The following ATP1A1 variants were observed in gnomAD, a reference collection of about 807,000 sequenced individuals.
ATP1A1 encodes sodium/potassium-transporting ATPase subunit alpha-1.
ATP1A1 carries 14 observed loss-of-function variants against 114.8 expected under a neutral mutation model. The ratio of observed to expected loss-of-function variants is 0.12; its 90% CI spans 0.08 to 0.19. ATP1A1 has a LOEUF of 0.19. Among genes scored for constraint, ATP1A1 ranks in the 10% least tolerant of loss-of-function variants. The probability of loss-of-function intolerance (pLI) is 1.00; values close to 1 mark genes in which losing one functional copy is unlikely to be tolerated. For synonymous variants in ATP1A1, 471 were observed against 466.3 expected (o/e 1.01, Z -0.13); for missense variants, 524 against 1,290.7 (o/e 0.41, Z 9.10).
At chr1:116,396,811 A>G in intron 14 of ATP1A1, 77 bp downstream of exon 14, 1 of 1,464,800 alleles carries the variant, frequency 6.8e-7, no homozygotes, top group South Asian at 1.4e-5. Flanking sequence ...GCGTGGTTCT[A>G]TAATGGTTTG....
chr1:116,403,853 C>A, intron 21 of ATP1A1, 31 bp from the exon 22 acceptor site: 1 of 1,538,450 alleles, frequency 6.5e-7, no homozygotes, highest in Non-Finnish European at 9.0e-7. Flanking sequence ...TGTTCGTGTG[C>A]ATATAAATTG....
Position 116,373,385 on chromosome 1 carries a change from C to G in ATP1A1, c.-127C>G, listed in dbSNP as rs950625112. 2.7e-6 allele frequency: 2 copies of G among 744,782 alleles called. No homozygotes were observed. Among genetic ancestry groups the G allele is most frequent in the East Asian group, 4.3e-5 (1 of 23,338 alleles). 46.1% of individuals were successfully genotyped at this position (744,782 alleles called of 1,614,324 possible). A position where few individuals can be genotyped will look rare whatever the true frequency, so the allele number is the denominator to read the frequency against. ...CCGGCCGCCCTCCCACCCTCCCGCCCCGCGGCAGCCCTAGCTCCCTCCACT... is the reference window on the plus strand; with the variant it reads ...CCGGCCGCCCTCCCACCCTCCCGCCGCGCGGCAGCCCTAGCTCCCTCCACT... On this transcript the variant is annotated 5_prime_UTR_variant, in exon 1 of 23. Coordinates refer to ENST00000295598, the MANE Select transcript of ATP1A1 (RefSeq NM_000701.8).
At chr1:116,383,255 G>A (rs893378425) in intron 1 of ATP1A1, 2 of 554,684 alleles carry the variant, frequency 3.6e-6, no homozygotes, top group South Asian at 5.6e-5. Flanking sequence ...TGGGCTGGGC[G>A]CTCCCTTTTT....
Position 116,401,981 on chromosome 1 carries a change from C to T in ATP1A1, c.2951+326C>T, listed in dbSNP as rs531092196. 88 of 274,300 alleles carry T rather than the reference C, an allele frequency of 3.2e-4. No individual in the cohort carries two copies. The highest frequency in any genetic ancestry group is 1.2e-3 in the South Asian group (14 of 11,650). The allele number at this position is 274,300 out of a possible 1,614,324, so 17.0% of individuals were successfully genotyped here. ...TAGTCCAGTTGTCTTTAGAGGCCAA[C>T]TGGGGGTATGCTGGAGCGTAGGCGC... On this transcript the variant is annotated intron_variant, in intron 21 of 22. Coordinates refer to ENST00000295598, the MANE Select transcript of ATP1A1 (RefSeq NM_000701.8). The surrounding 1 kb of genome is among the most constrained non-coding windows in gnomAD (Gnocchi z 4.7).
rs1173389911 is a variant in ATP1A1 at position 116,395,290 on chromosome 1, T to C, written c.1836+5T>C. The C allele has an allele frequency of 6.2e-7, 1 of 1,613,506 alleles. No individual in the cohort carries two copies. On this transcript the variant is annotated splice_donor_5th_base_variant and intron_variant, in intron 13 of 22. Coordinates refer to ENST00000295598, the MANE Select transcript of ATP1A1 (RefSeq NM_000701.8). The surrounding 1 kb of genome is among the most constrained non-coding windows in gnomAD (Gnocchi z 6.4). ...TGTCGAAGTGCTGGAATTAAGGTAG[T>C]GCCCAGGCGCCTCCTTGGCTTCATC...
Position 116,388,759 on chromosome 1 carries a change from C to T in ATP1A1, c.623C>T (p.Ala208Val), listed in dbSNP as rs1347486125. 6.2e-7 allele frequency: 1 copy of T among 1,614,136 alleles called. No homozygotes were observed. Among genetic ancestry groups the T allele is most frequent in the Non-Finnish European group, 8.5e-7 (1 of 1,180,036 alleles). ...CCTGCTGACCTCAGAATCATATCTG[C>T]AAATGGCTGCAAGGTAGCTCTTTTA... ...RIPADLRIIS[A>V]NGCKVDNSSL... The change falls in exon 6 of 23, where the codon GCA (alanine) becomes GTA (valine). Residue 208 changes from alanine to valine, a missense_variant. Coordinates refer to ENST00000295598, the MANE Select transcript of ATP1A1 (RefSeq NM_000701.8). The surrounding 1 kb of genome is among the most constrained non-coding windows in gnomAD (Gnocchi z 5.6).
At chr1:116,390,526 TTTC>T in intron 9 of ATP1A1, 115 bp downstream of exon 9, 4 of 1,102,010 alleles carry the variant, frequency 3.6e-6, no homozygotes, top group East Asian at 5.1e-5. Flanking sequence ...CAGCTTTTTC[TTTC>T]TTTTTTGTTT....
In ATP1A1 at chr1:116,395,086, C is replaced by T; in HGVS notation, c.1661-24C>T. The stretch of plus-strand genomic sequence containing the variant: ...TACTGCCCAGCGTCACTGAAATTTT[C>T]AAAGGCTCCTGTCCTCCTCGCAGGT... On this transcript the variant is annotated intron_variant, in intron 12 of 22. Transcript: ENST00000295598. This position sits in a 1 kb window ranked among gnomAD's most constrained non-coding sequence, Gnocchi z 6.4. 1 of 1,606,366 alleles carries T rather than the reference C, an allele frequency of 6.2e-7. No individual in the cohort carries two copies. Among genetic ancestry groups the T allele is most frequent in the Non-Finnish European group, 8.5e-7 (1 of 1,175,408 alleles).
intron 13 of ATP1A1, 77 bp from the exon 14 acceptor site, chr1:116,396,521 C>T (rs1652947164): frequency 2.6e-6 from 4 of 1,538,034 alleles, no homozygotes. Flanking sequence ...TTAGTATTTA[C>T]TCTTGCCTAC....
At position 116,393,398 on chromosome 1, in the gene ATP1A1, A is replaced by T; in HGVS notation, c.1468-133A>T. ...TCAAAGTATGTTACAGGTGTAAGATACTTCAGAGTTCAGAAAGAAGGGATC... is the reference window on the plus strand; with the variant it reads ...TCAAAGTATGTTACAGGTGTAAGATTCTTCAGAGTTCAGAAAGAAGGGATC... On this transcript the variant is annotated intron_variant, in intron 11 of 22. Transcript: ENST00000295598. This position sits in a 1 kb window ranked among gnomAD's most constrained non-coding sequence, Gnocchi z 5.0. 1 of 975,490 alleles carries T rather than the reference A, an allele frequency of 1.0e-6. No homozygotes were observed. Among genetic ancestry groups the T allele is most frequent in the Non-Finnish European group, 1.5e-6 (1 of 663,352 alleles). 60.4% of individuals were successfully genotyped at this position (975,490 alleles called of 1,614,324 possible). A position where few individuals can be genotyped will look rare whatever the true frequency, so the allele number is the denominator to read the frequency against.
intron 1 of ATP1A1, among the ~76,000 whole-genome samples, chr1:116,380,986 G>T (rs1651705405): frequency 6.6e-6 from 1 of 152,000 alleles, no homozygotes; most frequent in Non-Finnish European, 1.5e-5. Context: ...AGAAAATAGT[G>T]TAATCCGTTG....
At position 116,397,045 on chromosome 1, in the gene ATP1A1, TTCAGCAGTC is replaced by T. The variant is rs1652989378; in HGVS notation, c.1973+313_1973+321del. ...AGAACTGGTGAAATCATGCAGTAAA[TTCAGCAGTC>T]TAGCTTCTGATTTCATGCTGTTAAC... On this transcript the variant is annotated intron_variant, in intron 14 of 22. Transcript: ENST00000295598. The surrounding 1 kb of genome is among the most constrained non-coding windows in gnomAD (Gnocchi z 4.2). 6.6e-6 allele frequency among the ~76,000 whole-genome samples: 1 copy of T among 152,160 alleles called. No homozygotes were observed. Among genetic ancestry groups the T allele is most frequent in the Non-Finnish European group, 1.5e-5 (1 of 68,038 alleles).
intron 1 of ATP1A1, chr1:116,374,074 C>T (rs1038306384): frequency 2.1e-6 from 3 of 1,415,104 alleles, no homozygotes; most frequent in Non-Finnish European, 1.9e-6. Context: ...CGGGGGCAGC[C>T]TCCGGGTTCG....
chr1:116,395,081 A>AT lies in ATP1A1; in HGVS notation c.1661-25dup, dbSNP rs1201982057. The AT allele has an allele frequency of 6.2e-7, 1 of 1,606,068 alleles. No individual in the cohort carries two copies. The highest frequency in any genetic ancestry group is 1.1e-5 in the South Asian group (1 of 90,114). On this transcript the variant is annotated intron_variant, in intron 12 of 22. Transcript: ENST00000295598. This position sits in a 1 kb window ranked among gnomAD's most constrained non-coding sequence, Gnocchi z 6.4. ...CTTCTTACTGCCCAGCGTCACTGAA[A>AT]TTTTCAAAGGCTCCTGTCCTCCTCG... is the stretch of plus-strand genomic sequence containing the variant.
chr1:116,400,966 G>A lies in ATP1A1; in HGVS notation c.2678G>A (p.Arg893His), dbSNP rs775005099. 1.5e-5 allele frequency: 24 copies of A among 1,614,050 alleles called. No individual in the cohort carries two copies. The highest frequency in any genetic ancestry group is 7.7e-5 in the South Asian group (7 of 91,088). ...GGCCTCCGAGTGGACTGGGATGACC[G>A]CTGGATCAACGATGTGGAAGACAGC... ...LLGLRVDWDD[R>H]WINDVEDSYG... The change falls in exon 19 of 23, where the codon CGC becomes CAC. Residue 893 changes from arginine (R) to histidine (H), a missense_variant. Coordinates refer to ENST00000295598, the MANE Select transcript of ATP1A1 (RefSeq NM_000701.8).
Position 116,389,613 on chromosome 1 carries a change from C to G in ATP1A1, c.929C>G (p.Ser310Cys). The G allele has an allele frequency of 6.2e-7, 1 of 1,614,210 alleles. No individual in the cohort carries two copies. The highest frequency in any genetic ancestry group is 8.5e-7 in the Non-Finnish European group (1 of 1,180,042). ...VFLGVSFFIL[S>C]LILEYTWLEA... ...CTGGGTGTGTCTTTCTTCATCCTTT[C>G]TCTCATCCTTGAGTACACCTGGCTT... Residue 310 changes from serine (S) to cysteine (C), a missense_variant, in exon 8 of 23, where the codon TCT (serine) becomes TGT (cysteine). Around this residue, in one of 8 missense-constraint regions of ATP1A1, gnomAD observed 28 missense variants for 131.8 expected, o/e 0.21. Transcript: ENST00000295598. This position sits in a 1 kb window ranked among gnomAD's most constrained non-coding sequence, Gnocchi z 6.9.
chr1:116,383,721 TA>T (rs1237087611), intron 1 of ATP1A1, among the ~76,000 whole-genome samples: 2 of 152,222 alleles, frequency 1.3e-5, no homozygotes, highest in East Asian at 3.8e-4. Flanking sequence ...ATCTCCTCAT[TA>T]ACCCCAAAAG....
At chr1:116,396,438 T>G (rs1652938763) in intron 13 of ATP1A1, among the ~76,000 whole-genome samples, 160 bp from the exon 14 acceptor site, 1 of 152,212 alleles carries the variant, frequency 6.6e-6, no homozygotes, top group South Asian at 2.1e-4. Context: ...TATGTTTATA[T>G]TTTTGGCTAA....
chr1:116,395,017 C>T lies in ATP1A1; in HGVS notation c.1661-93C>T. 1 of 1,349,046 alleles carries T rather than the reference C, an allele frequency of 7.4e-7. No individual in the cohort carries two copies. Among genetic ancestry groups the T allele is most frequent in the South Asian group, 1.5e-5 (1 of 67,800 alleles). The allele number at this position is 1,349,046 out of a possible 1,614,324, so 83.6% of individuals were successfully genotyped here. ...TTAAAAATTTTCCAAAGTAAACACT[C>T]CAGAGAAAGGTAGGCGGGCTGAATA... On this transcript the variant is annotated intron_variant, in intron 12 of 22. Transcript: ENST00000295598. The surrounding 1 kb of genome is among the most constrained non-coding windows in gnomAD (Gnocchi z 6.4).
Sources: gnomAD v4.1 joint callset for allele counts (sites outside exome capture counted in the v4.1 genomes callset) on GRCh38, gnomAD v4.1.1 for gene constraint, gnomAD v4.1.1 regional missense constraint, Gnocchi (gnomAD v3.1) non-coding constraint, MANE v1.5 for transcripts, NCBI Gene and HGNC (gene_info 2026-07-23, HGNC 2026-07-21) for gene names.